The following SERHL2 variants were observed in gnomAD, a reference collection of about 807,000 sequenced individuals.
SERHL2 encodes the protein serine hydrolase like 2.
In SERHL2, 29 loss-of-function variants were observed where a neutral mutation model predicts 25.5. That is an observed-to-expected ratio of 1.14 (90% CI 0.85 to 1.55). SERHL2 has a LOEUF of 1.55. SERHL2 is among the 40% of genes most tolerant of loss of function. The probability of loss-of-function intolerance (pLI) is 0.00; values close to 1 mark genes in which losing one functional copy is unlikely to be tolerated. For missense variants in SERHL2, 240 were observed against 252.3 expected (o/e 0.95, Z 0.33); for synonymous variants, 95 against 103.5 (o/e 0.92, Z 0.50).
In SERHL2 at chr22:42,559,739, A is replaced by G. The variant is rs576581609; in HGVS notation, c.534-447A>G. On this transcript the variant is annotated intron_variant, in intron 7 of 11. Coordinates refer to ENST00000327678, the MANE Select transcript of SERHL2 (RefSeq NM_014509.5). ...GTCTCACAAAGAAAAAAAAAGAAAAAAAAATCACGAGACACATGCACGCTT... is the reference window on the plus strand; with the variant it reads ...GTCTCACAAAGAAAAAAAAAGAAAAGAAAATCACGAGACACATGCACGCTT... Among the ~76,000 whole-genome samples the G allele has an allele frequency of 1.2e-4, 18 of 151,826 alleles. No homozygotes were observed. The East Asian group carries it at 3.3e-3, about 28-fold the overall frequency.
intron 8 of SERHL2, among the ~76,000 whole-genome samples, chr22:42,564,602 T>C (rs1923095715): frequency 6.6e-6 from 1 of 151,484 alleles, no homozygotes; most frequent in African/African-American, 2.4e-5. Flanking sequence ...TGGCTAATTT[T>C]TGTATTTTTA....
intron 8 of SERHL2, among the ~76,000 whole-genome samples, chr22:42,561,008 T>G (rs1922615875): frequency 6.6e-6 from 1 of 151,872 alleles, no homozygotes. Context: ...GCACCACAAC[T>G]CCAGGGGCTG....
At chr22:42,571,446 A>G in intron 10 of SERHL2, 5 of 1,356,158 alleles carry the variant, frequency 3.7e-6, no homozygotes, top group Non-Finnish European at 4.7e-6. Context: ...CACAGGTGTC[A>G]GCGGGGGGCA....
chr22:42,554,131 C>G (rs577595983), intron 1 of SERHL2, 89 bp downstream of exon 1: 1 of 1,471,782 alleles, frequency 6.8e-7, no homozygotes, highest in Non-Finnish European at 9.3e-7. Flanking sequence ...GGAGGGTTCG[C>G]CGACCGCGTC....
At chr22:42,563,588 G>A (rs1183877175) in intron 8 of SERHL2, 3 of 209,476 alleles carry the variant, frequency 1.4e-5, no homozygotes, top group African/African-American at 2.3e-5. Flanking sequence ...TCATAAGCTG[G>A]ACTGCATACA....
chr22:42,560,145 A>T, intron 7 of SERHL2, 41 bp from the exon 8 acceptor site: 2 of 1,500,230 alleles, frequency 1.3e-6, no homozygotes, highest in South Asian at 2.2e-5. Context: ...CCTCCTTTTT[A>T]TTGGCCTCCA....
At chr22:42,554,189 G>C (rs1165293168) in intron 1 of SERHL2, 147 bp downstream of exon 1, 17 of 1,002,962 alleles carry the variant, frequency 1.7e-5, no homozygotes, top group South Asian at 1.3e-4. Flanking sequence ...CGGGGCATGA[G>C]AGCGCGACCG....
chr22:42,566,109 G>C (rs1318951988), intron 8 of SERHL2, among the ~76,000 whole-genome samples, 195 bp from the exon 9 acceptor site: 1 of 152,076 alleles, frequency 6.6e-6, no homozygotes, highest in East Asian at 1.9e-4. Flanking sequence ...CAGGTCTGTG[G>C]CCAGGTGGCT....
intron 9 of SERHL2, among the ~76,000 whole-genome samples, chr22:42,568,858 C>T (rs1923767430): frequency 3.3e-5 from 5 of 151,674 alleles, no homozygotes; most frequent in Admixed American, 1.3e-4. Context: ...CCCAGCTACT[C>T]AGGAGGCTGA....
rs147259768 is a variant in SERHL2, at chr22:42,570,224, C to T, written c.649-897C>T. On this transcript the variant is annotated intron_variant, in intron 9 of 11. Coordinates refer to ENST00000327678, the MANE Select transcript of SERHL2 (RefSeq NM_014509.5). ...ATCACCTGAGGTCAGGAGTTCAAGA[C>T]CAGCCTGACCAACATGGTGAAACCC... 2.2e-3 allele frequency among the ~76,000 whole-genome samples: 341 copies of T among 152,112 alleles called. 2 individuals are homozygous for T. Among genetic ancestry groups the T allele is most frequent in the African/African-American group, 7.8e-3 (324 of 41,558 alleles).
chr22:42,560,174 G>C lies in SERHL2; in HGVS notation c.534-12G>C. On this transcript the variant is annotated splice_polypyrimidine_tract_variant and intron_variant, in intron 7 of 11. Transcript: ENST00000327678. ...GCCTCCAGGCACCCAGCATCCTTCTGTCTCCCCCCAGGTTACTGAAGAGCA... is the reference window on the plus strand; with the variant it reads ...GCCTCCAGGCACCCAGCATCCTTCTCTCTCCCCCCAGGTTACTGAAGAGCA... 1.9e-6 allele frequency: 3 copies of C among 1,607,858 alleles called. No homozygotes were observed. The highest frequency in any genetic ancestry group is 1.1e-5 in the South Asian group (1 of 90,994).
intron 9 of SERHL2, among the ~76,000 whole-genome samples, chr22:42,567,592 A>T (rs1749922533): frequency 6.6e-6 from 1 of 151,598 alleles, no homozygotes; most frequent in Non-Finnish European, 1.5e-5. Flanking sequence ...TGAACCCGGG[A>T]AGCAGAGCTT....
At chr22:42,568,644 TTC>T (rs981678814) in intron 9 of SERHL2, among the ~76,000 whole-genome samples, 4 of 152,014 alleles carry the variant, frequency 2.6e-5, no homozygotes, top group East Asian at 1.9e-4. Flanking sequence ...TGGCCCAAAA[TTC>T]TCTTTTATTT....
chr22:42,562,304 C>T (rs1405583606), intron 8 of SERHL2, among the ~76,000 whole-genome samples: 4 of 151,902 alleles, frequency 2.6e-5, no homozygotes, highest in Non-Finnish European at 5.9e-5. Flanking sequence ...TTCCCTGCCC[C>T]CATCATCCAA....
chr22:42,568,666 C>T (rs1157074215), intron 9 of SERHL2, among the ~76,000 whole-genome samples: 4 of 151,848 alleles, frequency 2.6e-5, no homozygotes, highest in African/African-American at 9.7e-5. Flanking sequence ...TTTTAAGTTT[C>T]TGGCCAGCTA....
At chr22:42,568,859 A>G (rs1923767682) in intron 9 of SERHL2, among the ~76,000 whole-genome samples, 5 of 151,616 alleles carry the variant, frequency 3.3e-5, no homozygotes, top group Admixed American at 1.3e-4. Flanking sequence ...CCAGCTACTC[A>G]GGAGGCTGAG....
At chr22:42,554,182 G>A (rs1185598230) in intron 1 of SERHL2, 140 bp downstream of exon 1, 7 of 1,086,830 alleles carry the variant, frequency 6.4e-6, no homozygotes, top group Non-Finnish European at 9.3e-6. Flanking sequence ...GCAGTCCCGG[G>A]GCATGAGAGC....
chr22:42,554,094 G>T (rs1259974136), intron 1 of SERHL2, 52 bp downstream of exon 1: 1 of 1,603,336 alleles, frequency 6.2e-7, no homozygotes, highest in Non-Finnish European at 8.5e-7. Context: ...CACCTGGTTG[G>T]GACAGTAGAA....
chr22:42,556,665 T>G, intron 6 of SERHL2, 77 bp downstream of exon 6: 3 of 1,233,022 alleles, frequency 2.4e-6, no homozygotes, highest in Admixed American at 2.1e-5. Flanking sequence ...CCTGTCTCCT[T>G]TGGTGGACAC....
Sources: gnomAD v4.1 joint callset for allele counts (sites outside exome capture counted in the v4.1 genomes callset) on GRCh38, gnomAD v4.1.1 for gene constraint, MANE v1.5 for transcripts, NCBI Gene and HGNC (gene_info 2026-07-23, HGNC 2026-07-21) for gene names.